Variants in CNGB3 observed in about 807,000 individuals in gnomAD.
The protein encoded by CNGB3 is cyclic nucleotide gated channel subunit beta 3.
CNGB3 carries 86 observed loss-of-function variants against 92.8 expected under a neutral mutation model. The observed-to-expected ratio is 0.93, with a 90% CI of 0.78 to 1.11. The LOEUF (loss-of-function observed/expected upper bound fraction) is 1.11, where lower values mean the gene tolerates loss of function less well. Ranked by LOEUF, CNGB3 falls within the 50% of genes least tolerant of loss-of-function variation. The pLI, the probability that CNGB3 is intolerant of heterozygous loss-of-function variation, is 0.00. For missense variants in CNGB3, 1,026 were observed against 956.8 expected (o/e 1.07, Z -0.95); for synonymous variants, 333 against 332.7 (o/e 1.00, Z -0.01).
chr8:86,718,000 G>A (rs766252065), intron 3 of CNGB3, among the ~76,000 whole-genome samples: 16 of 151,816 alleles, frequency 1.1e-4, no homozygotes, highest in Non-Finnish European at 1.9e-4. Flanking sequence ...AAACCCCTGG[G>A]ATATATCAAA....
chr8:86,599,233 T>A (rs1208016567), intron 15 of CNGB3, among the ~76,000 whole-genome samples: 1 of 152,260 alleles, frequency 6.6e-6, no homozygotes, highest in Non-Finnish European at 1.5e-5. Context: ...TGGACACTTA[T>A]CACTTCCCCA....
At chr8:86,657,375 C>T (rs964583111) in intron 6 of CNGB3, 19 of 451,274 alleles carry the variant, frequency 4.2e-5, no homozygotes, top group South Asian at 7.1e-5. Flanking sequence ...TGACAGTGGC[C>T]GGCTTTTAGA....
intron 3 of CNGB3, among the ~76,000 whole-genome samples, chr8:86,720,631 G>C (rs1197186262): frequency 6.6e-6 from 1 of 151,998 alleles, no homozygotes; most frequent in African/African-American, 2.4e-5. Context: ...ATTTGATCCA[G>C]CAATCCCACT....
intron 6 of CNGB3, among the ~76,000 whole-genome samples, chr8:86,664,388 A>T (rs116499192): frequency 3.0e-3 from 452 of 152,314 alleles, no homozygotes; most frequent in African/African-American, 0.01. Context: ...TGGACCTAAG[A>T]TGCCATATAG....
At chr8:86,719,411 C>G (rs1824923816) in intron 3 of CNGB3, among the ~76,000 whole-genome samples, 2 of 152,026 alleles carry the variant, frequency 1.3e-5, no homozygotes. Context: ...GAACTCGATC[C>G]CCTTTACAGT....
chr8:86,693,727 A>G (rs1312657652), intron 3 of CNGB3, among the ~76,000 whole-genome samples: 6 of 151,740 alleles, frequency 4.0e-5, no homozygotes, highest in African/African-American at 1.5e-4. Flanking sequence ...CCCTGAGTGG[A>G]CACAGCACAT....
chr8:86,605,666 A>C (rs1822398818), intron 14 of CNGB3, among the ~76,000 whole-genome samples: 1 of 152,176 alleles, frequency 6.6e-6, no homozygotes, highest in Non-Finnish European at 1.5e-5. Flanking sequence ...ATTGTAGTTT[A>C]CTCTCTGAGA....
intron 7 of CNGB3, among the ~76,000 whole-genome samples, chr8:86,653,558 G>A (rs765618938): frequency 1.3e-5 from 2 of 152,080 alleles, no homozygotes; most frequent in African/African-American, 2.4e-5. Flanking sequence ...GCAATAAAAC[G>A]TTATGTTTTA....
At chr8:86,719,611 A>G (rs1282327064) in intron 3 of CNGB3, among the ~76,000 whole-genome samples, 1 of 152,182 alleles carries the variant, frequency 6.6e-6, no homozygotes, top group Admixed American at 6.5e-5. Flanking sequence ...TGTCAAAAAT[A>G]CCACCATCAT....
At chr8:86,631,225 T>C (rs978783336) in intron 11 of CNGB3, among the ~76,000 whole-genome samples, 1 of 152,182 alleles carries the variant, frequency 6.6e-6, no homozygotes, top group African/African-American at 2.4e-5. Context: ...CAAGTTCTGA[T>C]TCACTAGTCT....
chr8:86,673,714 A>T (rs928991438), intron 3 of CNGB3, among the ~76,000 whole-genome samples: 1 of 152,212 alleles, frequency 6.6e-6, no homozygotes, highest in Non-Finnish European at 1.5e-5. Context: ...ATTACAAGAG[A>T]CTAGACTCAT....
intron 13 of CNGB3, among the ~76,000 whole-genome samples, 196 bp downstream of exon 13, chr8:86,625,787 G>C (rs1195390495): frequency 6.6e-6 from 1 of 152,160 alleles, no homozygotes; most frequent in Non-Finnish European, 1.5e-5. Flanking sequence ...AGAAGAGAAA[G>C]AGGGTTCTAA....
At chr8:86,657,318 G>T in intron 6 of CNGB3, 1 of 376,376 alleles carries the variant, frequency 2.7e-6, no homozygotes. Context: ...GGGGTGGTAA[G>T]GACCTGGTGG....
At chr8:86,592,977 A>G (rs574051841) in intron 15 of CNGB3, among the ~76,000 whole-genome samples, 1 of 152,228 alleles carries the variant, frequency 6.6e-6, no homozygotes, top group South Asian at 2.1e-4. Context: ...ATATCAGAGG[A>G]TGTTCTAAGG....
At chr8:86,729,182 T>C (rs2131674091) in intron 2 of CNGB3, among the ~76,000 whole-genome samples, 1 of 152,318 alleles carries the variant, frequency 6.6e-6, no homozygotes, top group African/African-American at 2.4e-5. Context: ...ATTATTGGTG[T>C]GAGCCACTGT....
chr8:86,653,064 G>A (rs1432005604), intron 7 of CNGB3, among the ~76,000 whole-genome samples: 1 of 152,014 alleles, frequency 6.6e-6, no homozygotes, highest in African/African-American at 2.4e-5. Context: ...AGGCAATAGG[G>A]ATTTTTCGGC....
chr8:86,637,999 G>T (rs1164971907), intron 10 of CNGB3, among the ~76,000 whole-genome samples: 1 of 152,084 alleles, frequency 6.6e-6, no homozygotes, highest in Non-Finnish European at 1.5e-5. Flanking sequence ...TTCCGTATAA[G>T]ATGTCTTTTA....
At chr8:86,589,782 G>T (rs1464259931) in intron 15 of CNGB3, among the ~76,000 whole-genome samples, 6 of 151,832 alleles carry the variant, frequency 4.0e-5, no homozygotes, top group Non-Finnish European at 7.4e-5. Context: ...TTTGGAATAG[G>T]TGTGGTGTGG....
At chr8:86,617,228 G>A (rs1822638682) in intron 13 of CNGB3, among the ~76,000 whole-genome samples, 1 of 152,148 alleles carries the variant, frequency 6.6e-6, no homozygotes, top group Admixed American at 6.5e-5. Flanking sequence ...TTGGTAAAAT[G>A]TTTCCTTGGA....
Sources: allele counts gnomAD v4.1 joint callset (sites outside exome capture counted in the v4.1 genomes callset), GRCh38; gene constraint gnomAD v4.1.1; transcripts MANE v1.5; gene names NCBI Gene and HGNC (gene_info 2026-07-23, HGNC 2026-07-21).